The following MPP4 variants were observed in gnomAD, a reference collection of about 807,000 sequenced individuals.
The protein encoded by MPP4 is MAGUK p55 subfamily member 4.
Under a neutral mutation model 98.3 loss-of-function variants are expected in MPP4, and 91 were observed. The ratio of observed to expected loss-of-function variants is 0.93; its 90% CI spans 0.78 to 1.10. The LOEUF is 1.10. Among genes scored for constraint, MPP4 ranks in the 50% least tolerant of loss-of-function variants. The probability of loss-of-function intolerance (pLI) is 0.00; values close to 1 mark genes in which losing one functional copy is unlikely to be tolerated. For missense variants in MPP4, 744 were observed against 792.9 expected (o/e 0.94, Z 0.74); for synonymous variants, 261 against 271.8 (o/e 0.96, Z 0.39).
intron 7 of MPP4, among the ~76,000 whole-genome samples, chr2:201,683,540 G>A (rs922281445): frequency 5.9e-5 from 9 of 152,166 alleles, no homozygotes; most frequent in Admixed American, 5.9e-4. Context: ...CTTGAGGCCA[G>A]AAGTTCAAGA....
At chr2:201,655,937 T>C (rs1687834236) in intron 17 of MPP4, among the ~76,000 whole-genome samples, 1 of 152,156 alleles carries the variant, frequency 6.6e-6, no homozygotes, top group Admixed American at 6.5e-5. Context: ...AAAATCTCAG[T>C]CATAATGACA....
Position 201,673,280 on chromosome 2 carries a change from G to C in MPP4, c.994+1927C>G, listed in dbSNP as rs1407406489. Among the ~76,000 whole-genome samples, 6 of 152,284 alleles carry C rather than the reference G, an allele frequency of 3.9e-5. No homozygotes were observed. The South Asian group carries it at 1.0e-3, about 26-fold the overall frequency. On this transcript the variant is annotated intron_variant, in intron 11 of 21. Transcript: ENST00000409474. ...AGAATCATACTGAATGGGAATGGAT[G>C]AAGCTGGAAACCATCATTCCCAGCA... is the stretch of plus-strand genomic sequence containing the variant.
At chr2:201,656,506 G>T (rs1687852887) in intron 16 of MPP4, 138 bp from the exon 17 acceptor site, 1 of 846,352 alleles carries the variant, frequency 1.2e-6, no homozygotes, top group Non-Finnish European at 1.7e-6. Flanking sequence ...TTAGAAGATG[G>T]GAAGTAATAT....
rs1158495457 is a variant in MPP4, at chr2:201,675,280, G to A, written c.930-9C>T. On this transcript the variant is annotated splice_polypyrimidine_tract_variant and intron_variant, in intron 10 of 21. Coordinates refer to ENST00000409474, the MANE Select transcript of MPP4 (RefSeq NM_033066.3). Reference sequence around the variant, plus strand: ...AGAATTCCCGTTGCTTCCTATGGGGGGGAAAAAACCATGCGACAAAAAACA... The same window carrying A: ...AGAATTCCCGTTGCTTCCTATGGGGAGGAAAAAACCATGCGACAAAAAACA... The A allele has an allele frequency of 1.2e-6, 2 of 1,605,092 alleles. No individual in the cohort carries two copies. The highest frequency in any genetic ancestry group is 1.7e-6 in the Non-Finnish European group (2 of 1,176,134).
intron 11 of MPP4, among the ~76,000 whole-genome samples, chr2:201,670,519 G>C (rs1455572798): frequency 6.6e-6 from 1 of 152,108 alleles, no homozygotes; most frequent in African/African-American, 2.4e-5. Flanking sequence ...ACTATTTTCA[G>C]CATGGACTTC....
intron 4 of MPP4, among the ~76,000 whole-genome samples, 161 bp from the exon 5 acceptor site, chr2:201,687,532 TAC>T (rs1429928375): frequency 6.6e-6 from 1 of 152,248 alleles, no homozygotes; most frequent in African/African-American, 2.4e-5. Context: ...CATTAAAGCC[TAC>T]CATCCTTCTT....
chr2:201,656,072 A>T (rs1559598065), intron 17 of MPP4, 126 bp downstream of exon 17: 2 of 1,106,274 alleles, frequency 1.8e-6, no homozygotes, highest in Non-Finnish European at 2.5e-6. Context: ...TTTGTTTTTT[A>T]AAAAAGGTAT....
intron 1 of MPP4, among the ~76,000 whole-genome samples, chr2:201,695,114 T>C (rs983139451): frequency 2.0e-5 from 3 of 152,170 alleles, no homozygotes; most frequent in Non-Finnish European, 2.9e-5. Context: ...CCAGGGCTAA[T>C]AGGGCAGCCT....
At chr2:201,689,964 AAAAG>A (rs1688958909) in intron 4 of MPP4, among the ~76,000 whole-genome samples, 1 of 152,356 alleles carries the variant, frequency 6.6e-6, no homozygotes, top group South Asian at 2.1e-4. Flanking sequence ...GACTTAGGAA[AAAAG>A]AAAGAAATGA....
chr2:201,650,104 C>T lies in MPP4; in HGVS notation c.1443G>A (p.Lys481=). 1 of 1,580,092 alleles carries T rather than the reference C, an allele frequency of 6.3e-7. No homozygotes were observed. The highest frequency in any genetic ancestry group is 2.3e-5 in the East Asian group (1 of 44,032). Reference sequence around the variant, plus strand: ...TATATATGAGGTTTTCAAATGTTTCCTTGGACACATAGTGATACTCACGCC... The same window carrying T: ...TATATATGAGGTTTTCAAATGTTTCTTTGGACACATAGTGATACTCACGCC... ...MNGREYHYVS[K]ETFENLIYSH... The change falls in exon 19 of 22, where the codon AAG becomes AAA. Residue 481 remains lysine (K), a synonymous_variant. Coordinates refer to ENST00000409474, the MANE Select transcript of MPP4 (RefSeq NM_033066.3).
chr2:201,679,960 T>G (rs1344362846), intron 10 of MPP4: 1 of 152,248 alleles, frequency 6.6e-6, no homozygotes, highest in Non-Finnish European at 1.5e-5. Flanking sequence ...ATTCTCAGCC[T>G]TCCCAGCAGA....
Position 201,656,193 on chromosome 2 carries a change from C to G in MPP4, c.1300+5G>C. On this transcript the variant is annotated splice_donor_5th_base_variant and intron_variant, in intron 17 of 21. Coordinates refer to ENST00000409474, the MANE Select transcript of MPP4 (RefSeq NM_033066.3). ...GGAGGAGAGACAGTGCATGCTGGGA[C>G]ATACCCATGAGCACTATGAGGCGGT... 1.3e-6 allele frequency: 2 copies of G among 1,598,988 alleles called. No homozygotes were observed. Among genetic ancestry groups the G allele is most frequent in the Non-Finnish European group, 1.7e-6 (2 of 1,172,650 alleles).
At chr2:201,651,159 T>C (rs1687703312) in intron 18 of MPP4, 1 of 985,294 alleles carries the variant, frequency 1.0e-6, no homozygotes, top group Admixed American at 6.1e-5. Context: ...AGTTTAAGGA[T>C]GAAATAGATC....
At chr2:201,657,970 T>G (rs577335786) in intron 16 of MPP4, among the ~76,000 whole-genome samples, 3 of 146,530 alleles carry the variant, frequency 2.0e-5, no homozygotes, top group Non-Finnish European at 3.0e-5. Context: ...TTTTTTTTTG[T>G]TTTTTTTTTT....
chr2:201,664,456 G>T, intron 13 of MPP4: 2 of 951,698 alleles, frequency 2.1e-6, no homozygotes, highest in Non-Finnish European at 2.8e-6. Flanking sequence ...GCTCGGCTTT[G>T]CTGCAGAGGG....
Position 201,650,873 on chromosome 2 carries a change from T to C in MPP4, c.1382-708A>G, listed in dbSNP as rs1342110314. 4.1e-6 allele frequency: 4 copies of C among 985,414 alleles called. No individual in the cohort carries two copies. The African/African-American group carries it at 7.0e-5, about 17-fold the overall frequency. 61.0% of individuals were successfully genotyped at this position (985,414 alleles called of 1,614,324 possible). ...GTCTGATTCTTTGATATGGCCACTT[T>C]GATTACAGACTCTTCAACTTAAATA... On this transcript the variant is annotated intron_variant, in intron 18 of 21. Coordinates refer to ENST00000409474, the MANE Select transcript of MPP4 (RefSeq NM_033066.3).
At chr2:201,680,658 T>C (rs1688639781) in intron 10 of MPP4, 180 bp downstream of exon 10, 2 of 567,150 alleles carry the variant, frequency 3.5e-6, no homozygotes, top group Non-Finnish European at 3.1e-6. Flanking sequence ...CTCGTCTCCT[T>C]GGTATTTAAG....
At chr2:201,685,038 T>C in intron 7 of MPP4, 26 bp downstream of exon 7, 1 of 1,599,028 alleles carries the variant, frequency 6.3e-7, no homozygotes, top group Non-Finnish European at 8.5e-7. Flanking sequence ...TTCTGGTAAC[T>C]CTCAATCCCA....
chr2:201,646,027 TC>T (rs750384722), intron 21 of MPP4, among the ~76,000 whole-genome samples: 20 of 152,282 alleles, frequency 1.3e-4, no homozygotes, highest in Admixed American at 5.2e-4. Flanking sequence ...AAAAATGAGG[TC>T]CAATAAATGT....
Sources: gnomAD v4.1 joint callset for allele counts (sites outside exome capture counted in the v4.1 genomes callset) on GRCh38, gnomAD v4.1.1 for gene constraint, MANE v1.5 for transcripts, NCBI Gene and HGNC (gene_info 2026-07-23, HGNC 2026-07-21) for gene names.